The following PCDHA10 variants were observed in gnomAD, a reference collection of about 807,000 sequenced individuals.
PCDHA10 encodes protocadherin alpha 10, also known as protocadherin alpha-10.
PCDHA10 carries 45 observed loss-of-function variants against 61.2 expected under a neutral mutation model. That is an observed-to-expected ratio of 0.74 (90% confidence interval 0.58 to 0.94). The LOEUF (loss-of-function observed/expected upper bound fraction) is 0.94. PCDHA10 is among the 40% of genes least tolerant of loss of function. The probability of loss-of-function intolerance (pLI) is 0.00; values close to 1 mark genes in which losing one functional copy is unlikely to be tolerated. For missense variants in PCDHA10, 1,278 were observed against 1,236.2 expected (o/e 1.03, Z -0.51); for synonymous variants, 602 against 548.8 (o/e 1.10, Z -1.35).
At chr5:141,006,996 G>T (rs1206587874) in intron 3 of PCDHA10, among the ~76,000 whole-genome samples, 2 of 152,136 alleles carry the variant, frequency 1.3e-5, no homozygotes, top group African/African-American at 4.8e-5. Flanking sequence ...TAAAATATAA[G>T]TCTGCATCTC....
chr5:140,870,552 G>A, intron 1 of PCDHA10: 2 of 1,614,042 alleles, frequency 1.2e-6, no homozygotes, highest in Non-Finnish European at 1.7e-6. Context: ...ACGCGGACGC[G>A]CAGGAGAACG....
At chr5:140,871,305 G>C (rs782666863) in intron 1 of PCDHA10, 2 of 1,613,874 alleles carry the variant, frequency 1.2e-6, no homozygotes, top group East Asian at 4.5e-5. Context: ...GCGCGCCGGG[G>C]AAGCCCACGC....
In PCDHA10 at chr5:140,927,075, C is replaced by T. The variant is rs1304732952; in HGVS notation, c.2389-51874C>T. On this transcript the variant is annotated intron_variant, in intron 1 of 3. Transcript: ENST00000307360. ...GGAACTTTCGCTTCCTTTCCAGCCA[C>T]CGCGAGCTCTACTTCGGGGTGGATC... 2.5e-6 allele frequency: 4 copies of T among 1,611,188 alleles called. No homozygotes were observed. In the Admixed American group the frequency reaches 5.0e-5, roughly 20 times the overall value.
At chr5:140,928,208 A>AT (rs1436614514) in intron 1 of PCDHA10, 2 of 1,614,110 alleles carry the variant, frequency 1.2e-6, no homozygotes, top group Non-Finnish European at 1.7e-6. Flanking sequence ...GCTGATGTGA[A>AT]TGACAATACA....
intron 1 of PCDHA10, among the ~76,000 whole-genome samples, chr5:140,971,680 A>C (rs185214999): frequency 1.1e-4 from 17 of 152,268 alleles, no homozygotes; most frequent in African/African-American, 4.1e-4. Context: ...AGAGTAAGGG[A>C]ATTTGTACTC....
intron 1 of PCDHA10, chr5:140,968,033 G>A (rs1554230222): frequency 6.2e-7 from 1 of 1,614,074 alleles, no homozygotes; most frequent in African/African-American, 1.3e-5. Context: ...TACACTGGTG[G>A]TGAGCGGCCC....
intron 1 of PCDHA10, chr5:140,883,466 A>T: frequency 6.2e-7 from 1 of 1,614,128 alleles, no homozygotes; most frequent in Non-Finnish European, 8.5e-7. Flanking sequence ...GCTGGTGTCC[A>T]CCTACAAGAA....
Position 140,887,082 on chromosome 5 carries a change from CT to C in PCDHA10, c.2388+28647del, listed in dbSNP as rs781992332. On this transcript the variant is annotated intron_variant, in intron 1 of 3. Coordinates refer to ENST00000307360, the MANE Select transcript of PCDHA10 (RefSeq NM_018901.4). Reference sequence around the variant, plus strand: ...GGCAACAAATTCACTCAGCTTTTGTCTGAGAAATATCTTTATCTCTTTTTTT... The same window carrying C: ...GGCAACAAATTCACTCAGCTTTTGTCGAGAAATATCTTTATCTCTTTTTTT... 2.0e-5 allele frequency among the ~76,000 whole-genome samples: 3 copies of C among 151,694 alleles called. No individual in the cohort carries two copies. The East Asian group carries it at 5.8e-4, about 29-fold the overall frequency.
intron 1 of PCDHA10, among the ~76,000 whole-genome samples, chr5:140,874,611 C>T (rs1274309771): frequency 6.6e-6 from 1 of 152,220 alleles, no homozygotes; most frequent in African/African-American, 2.4e-5. Flanking sequence ...GAGGCTTCAA[C>T]TAAACATTTT....
rs148596731 is a variant in PCDHA10 at position 141,000,361 on chromosome 5, GTCTCTCTCTCTC to G, written c.2537-9242_2537-9231del. Among the ~76,000 whole-genome samples, 60 of 26,440 alleles carry G rather than the reference GTCTCTCTCTCTC, an allele frequency of 2.3e-3. 1 individual carries two copies. Among genetic ancestry groups the G allele is most frequent in the Admixed American group, 5.8e-3 (10 of 1,730 alleles). The allele number at this position is 26,440 out of a possible 152,430, so 17.3% of individuals were successfully genotyped here. On this transcript the variant is annotated intron_variant, in intron 3 of 3. Transcript: ENST00000307360. ...CCTATCTCTCTCTCTGTCTCTCTCT[GTCTCTCTCTCTC>G]TCTCTCTCTCTCTCTCTCTCTCTAT...
intron 1 of PCDHA10, among the ~76,000 whole-genome samples, chr5:140,942,869 T>C (rs971576222): frequency 6.6e-6 from 1 of 152,088 alleles, no homozygotes; most frequent in African/African-American, 2.4e-5. Context: ...TGCTTTAGCA[T>C]GACAACTTTT....
chr5:140,995,086 T>C (rs1182368049), intron 3 of PCDHA10, among the ~76,000 whole-genome samples: 2 of 152,246 alleles, frequency 1.3e-5, no homozygotes, highest in African/African-American at 4.8e-5. Context: ...TCCAAACTTA[T>C]CTGTGGAGAT....
intron 1 of PCDHA10, chr5:140,927,766 GAGGTGCA>G: frequency 6.2e-7 from 1 of 1,614,234 alleles, no homozygotes. Context: ...TAAAAGTGGG[GAGGTGCA>G]AGTAGCTGCT....
At chr5:140,947,550 G>T (rs967081376) in intron 1 of PCDHA10, among the ~76,000 whole-genome samples, 1 of 151,402 alleles carries the variant, frequency 6.6e-6, no homozygotes, top group Non-Finnish European at 1.5e-5. Flanking sequence ...AAAGAATTCC[G>T]CTGGGATTTA....
rs2084561103 is a variant in PCDHA10 at position 140,927,726 on chromosome 5, A to G, written c.2389-51223A>G. On this transcript the variant is annotated intron_variant, in intron 1 of 3. Transcript: ENST00000307360. ...ACTCCCTAAGCAACAGCACGCAAGCAGAGCTGCGACACCGCTTTCACGTGC... is the reference window on the plus strand; with the variant it reads ...ACTCCCTAAGCAACAGCACGCAAGCGGAGCTGCGACACCGCTTTCACGTGC... 6 of 1,614,220 alleles carry G rather than the reference A, an allele frequency of 3.7e-6. No individual in the cohort carries two copies. The African/African-American group carries it at 8.0e-5, about 22-fold the overall frequency.
At chr5:140,952,768 AT>A (rs1554220610) in intron 1 of PCDHA10, among the ~76,000 whole-genome samples, 1 of 152,180 alleles carries the variant, frequency 6.6e-6, no homozygotes, top group African/African-American at 2.4e-5. Context: ...AGACTGGATA[AT>A]TTAGAAAGAA....
At chr5:140,920,616 C>T (rs929240808) in intron 1 of PCDHA10, among the ~76,000 whole-genome samples, 3 of 152,128 alleles carry the variant, frequency 2.0e-5, no homozygotes, top group Admixed American at 1.3e-4. Context: ...GAGGCCGAGG[C>T]GGATGGATCA....
In PCDHA10 at chr5:140,857,353, G is replaced by A. The variant is rs1197611806; in HGVS notation, c.1305G>A (p.Trp435Ter). 6.3e-7 allele frequency: 1 copy of A among 1,598,220 alleles called. No individual in the cohort carries two copies. The highest frequency in any genetic ancestry group is 1.3e-5 in the African/African-American group (1 of 74,324). Residue 435 changes from tryptophan (W) to a stop codon, truncating the protein, a stop_gained, in exon 1 of 4, where the codon TGG (tryptophan) becomes TGA (stop). Coordinates refer to ENST00000307360, the MANE Select transcript of PCDHA10 (RefSeq NM_018901.4). LOFTEE classifies it high-confidence loss of function. ...GGGACGGGGGCTCGCCTCCGCTGTGGGCCACGGCCAGCGTGTCTGTGGAGG... is the reference window on the plus strand; with the variant it reads ...GGGACGGGGGCTCGCCTCCGCTGTGAGCCACGGCCAGCGTGTCTGTGGAGG... The part of the protein sequence containing the change: ...TARDGGSPPL[W>*]ATASVSVEVA...
chr5:141,011,325 A>G lies in PCDHA10; in HGVS notation c.*1388A>G, dbSNP rs533115888. 1 of 153,778 alleles carries G rather than the reference A, an allele frequency of 6.5e-6. No individual in the cohort carries two copies. Among genetic ancestry groups the G allele is most frequent in the African/African-American group, 2.4e-5 (1 of 41,456 alleles). 9.5% of individuals were successfully genotyped at this position (153,778 alleles called of 1,614,324 possible). On this transcript the variant is annotated 3_prime_UTR_variant, in exon 4 of 4. Transcript: ENST00000307360. ...TGAATTGCTAATCTTACTAACACCTATGATGTTACCTGAAATCAATCTCCC... is the reference window on the plus strand; with the variant it reads ...TGAATTGCTAATCTTACTAACACCTGTGATGTTACCTGAAATCAATCTCCC...
Sources: allele counts gnomAD v4.1 joint callset (sites outside exome capture counted in the v4.1 genomes callset), GRCh38; gene constraint gnomAD v4.1.1; transcripts MANE v1.5; gene names NCBI Gene and HGNC (gene_info 2026-07-23, HGNC 2026-07-21).